Variants in RGS7 observed in about 807,000 individuals in gnomAD.
The protein encoded by RGS7 is regulator of G-protein signaling 7.
Under a neutral mutation model 81.1 loss-of-function variants are expected in RGS7, and 27 were observed. The ratio of observed to expected loss-of-function variants is 0.33; its 90% CI spans 0.25 to 0.46. RGS7 has a LOEUF of 0.46. Ranked by LOEUF, RGS7 falls within the 20% of genes least tolerant of loss-of-function variation. The probability of loss-of-function intolerance (pLI) is 1.00; values close to 1 mark genes in which losing one functional copy is unlikely to be tolerated. For synonymous variants in RGS7, 208 were observed against 207.7 expected, an observed-to-expected ratio of 1.00 and a Z score of -0.01; for missense variants, 396 against 607.4, an observed-to-expected ratio of 0.65 and a Z score of 3.66.
chr1:240,894,927 G>T (rs1425729402), intron 6 of RGS7, among the ~76,000 whole-genome samples: 2 of 152,064 alleles, frequency 1.3e-5, no homozygotes, highest in African/African-American at 4.8e-5. Flanking sequence ...TTGGATATTT[G>T]TCCCCACCCA....
intron 2 of RGS7, among the ~76,000 whole-genome samples, chr1:241,118,119 T>G (rs879299105): frequency 6.6e-6 from 1 of 152,230 alleles, no homozygotes; most frequent in Non-Finnish European, 1.5e-5. Context: ...TGAATAAAAA[T>G]TAAAATAGAT....
At chr1:241,183,024 G>T in intron 2 of RGS7, among the ~76,000 whole-genome samples, 1 of 150,042 alleles carries the variant, frequency 6.7e-6, no homozygotes, top group African/African-American at 2.5e-5. Context: ...CTTTCATTTT[G>T]GTAATCCTCT....
rs182963766 is a variant in RGS7 at position 240,855,945 on chromosome 1, G to A, written c.609+12642C>T. ...TTTGTCTTAATTTATGACTAGAAAG[G>A]TTAAACTCTTTTCCCAATTTTTAAT... On this transcript the variant is annotated intron_variant, in intron 9 of 18. Coordinates refer to ENST00000440928, the MANE Select transcript of RGS7 (RefSeq NM_001364886.1). Among the ~76,000 whole-genome samples, 18 of 152,044 alleles carry A rather than the reference G, an allele frequency of 1.2e-4. 1 individual carries two copies. Among genetic ancestry groups the A allele is most frequent in the African/African-American group, 3.9e-4 (16 of 41,494 alleles).
chr1:241,237,411 T>C (rs1949681), intron 2 of RGS7, among the ~76,000 whole-genome samples: 39,926 of 151,934 alleles, frequency 0.26, 5,317 homozygotes, highest in South Asian at 0.35. Flanking sequence ...CCATATACCA[T>C]GAGCAGTGAG....
chr1:241,038,988 A>G (rs2060470540), intron 3 of RGS7, among the ~76,000 whole-genome samples: 1 of 152,082 alleles, frequency 6.6e-6, no homozygotes, highest in Non-Finnish European at 1.5e-5. Flanking sequence ...AAGAAAAAAA[A>G]GAAAAGGAAA....
chr1:240,831,900 GT>G (rs1693919509), intron 9 of RGS7, among the ~76,000 whole-genome samples: 1 of 152,132 alleles, frequency 6.6e-6, no homozygotes, highest in Non-Finnish European at 1.5e-5. Flanking sequence ...GCCTCCCGAA[GT>G]GCTGGAATTA....
intron 2 of RGS7, among the ~76,000 whole-genome samples, chr1:241,351,502 T>G (rs2083248863): frequency 6.6e-6 from 1 of 151,874 alleles, no homozygotes. Context: ...TGATACCATA[T>G]GTGAAAGATT....
At chr1:241,294,293 G>A (rs747429021) in intron 2 of RGS7, among the ~76,000 whole-genome samples, 2 of 151,638 alleles carry the variant, frequency 1.3e-5, no homozygotes, top group African/African-American at 4.9e-5. Context: ...CCTGTCGGGG[G>A]TGGGGGGCAA....
In RGS7 at chr1:241,003,417, C is replaced by T. The variant is rs559669459; in HGVS notation, c.176-20288G>A. On this transcript the variant is annotated intron_variant, in intron 3 of 18. Coordinates refer to ENST00000440928, the MANE Select transcript of RGS7 (RefSeq NM_001364886.1). ...CAGAGCTTGCAGTGAACCGAGATCG[C>T]GCCACTGCACTCCAGCCTGGGTGAC... Among the ~76,000 whole-genome samples, 575 of 146,600 alleles carry T rather than the reference C, an allele frequency of 3.9e-3. 3 individuals are homozygous for T. The highest frequency in any genetic ancestry group is 0.013 in the African/African-American group (522 of 39,644).
At chr1:240,891,200 C>CG (rs1167879531) in intron 6 of RGS7, among the ~76,000 whole-genome samples, 8 of 110,966 alleles carry the variant, frequency 7.2e-5, no homozygotes, top group Non-Finnish European at 1.1e-4. Flanking sequence ...TCCAGCATCA[C>CG]TGGGGGGGTG....
At chr1:241,179,361 G>A (rs1333291234) in intron 2 of RGS7, among the ~76,000 whole-genome samples, 2 of 152,188 alleles carry the variant, frequency 1.3e-5, no homozygotes, top group Non-Finnish European at 2.9e-5. Flanking sequence ...GGCCCCCAAA[G>A]TGCTGGGATT....
intron 2 of RGS7, among the ~76,000 whole-genome samples, chr1:241,204,504 G>A (rs2073745946): frequency 6.6e-6 from 1 of 151,990 alleles, no homozygotes; most frequent in Admixed American, 6.6e-5. Context: ...TCAAAATTAA[G>A]GTAACTCTAG....
intron 2 of RGS7, among the ~76,000 whole-genome samples, chr1:241,141,234 G>C (rs1572865160): frequency 2.0e-5 from 3 of 152,224 alleles, no homozygotes. Flanking sequence ...AAGGAATAAA[G>C]ACTCATCTGA....
rs1159519876 is a variant in RGS7, at chr1:241,327,029, A to G, written c.78+28670T>C. ...AAGGAAGGAAGGAAGGAAGGAAGGA[A>G]GGAAGGAAGGGAGGGAGGGGAAAGG... is the stretch of plus-strand genomic sequence containing the variant. On this transcript the variant is annotated intron_variant, in intron 2 of 18. Coordinates refer to ENST00000440928, the MANE Select transcript of RGS7 (RefSeq NM_001364886.1). Among the ~76,000 whole-genome samples the G allele has an allele frequency of 6.7e-4, 11 of 16,358 alleles. 2 individuals are homozygous for G. The highest frequency in any genetic ancestry group is 1.2e-3 in the Non-Finnish European group (9 of 7,304). 10.7% of individuals were successfully genotyped at this position (16,358 alleles called of 152,430 possible). A position where few individuals can be genotyped will look rare whatever the true frequency, so the allele number is the denominator to read the frequency against.
intron 18 of RGS7, among the ~76,000 whole-genome samples, chr1:240,779,200 C>T (rs571358875): frequency 1.4e-4 from 22 of 151,892 alleles, no homozygotes; most frequent in East Asian, 3.9e-4. Flanking sequence ...CTGCAACCTC[C>T]GCCTCCAAAG....
intron 2 of RGS7, among the ~76,000 whole-genome samples, chr1:241,340,697 A>C (rs2082492755): frequency 6.6e-6 from 1 of 152,170 alleles, no homozygotes; most frequent in African/African-American, 2.4e-5. Context: ...GAAAGATAAG[A>C]ATAAGCAAAA....
intron 2 of RGS7, among the ~76,000 whole-genome samples, chr1:241,327,084 A>AG (rs1484432811): frequency 0.022 from 490 of 21,848 alleles, 51 homozygotes; most frequent in African/African-American, 0.1. Flanking sequence ...AAGGAAGAGA[A>AG]AGAAAGAAAG....
intron 3 of RGS7, among the ~76,000 whole-genome samples, chr1:241,061,303 G>A (rs1362173020): frequency 1.3e-5 from 2 of 152,238 alleles, no homozygotes; most frequent in Non-Finnish European, 2.9e-5. Context: ...GTAAATAAAT[G>A]TTGAAGCTGT....
At chr1:240,960,232 T>TTTTTTTGTTGTTG (rs71172665) in intron 4 of RGS7, among the ~76,000 whole-genome samples, 59 of 70,228 alleles carry the variant, frequency 8.4e-4, no homozygotes, top group Non-Finnish European at 1.5e-3. Flanking sequence ...TTTTTTTTTT[T>TTTTTTTGTTGTTG]TTGTTGTTGT....
Sources: allele counts gnomAD v4.1 joint callset (sites outside exome capture counted in the v4.1 genomes callset), GRCh38; gene constraint gnomAD v4.1.1; transcripts MANE v1.5; gene names NCBI Gene and HGNC (gene_info 2026-07-23, HGNC 2026-07-21).